Variants in ADAMTSL1 observed in about 807,000 individuals in gnomAD.
ADAMTSL1 encodes ADAMTS-like protein 1.
ADAMTSL1 carries 126 observed loss-of-function variants against 201.8 expected under a neutral mutation model. The ratio of observed to expected loss-of-function variants is 0.62; its 90% CI spans 0.54 to 0.72. The LOEUF is 0.72. ADAMTSL1 is among the 30% of genes least tolerant of loss of function. The pLI is 0.00. For missense variants in ADAMTSL1, 2,679 were observed against 2,277.8 expected, an observed-to-expected ratio of 1.18 and a Z score of -3.59; for synonymous variants, 1,121 against 903.4, an observed-to-expected ratio of 1.24 and a Z score of -4.32.
rs10810901 is a variant in ADAMTSL1, at chr9:18,092,130, G to A, written c.88-71732G>A. On this transcript the variant is annotated intron_variant, in intron 1 of 29. Coordinates refer to the ADAMTSL1 transcript ENST00000680146. Reference sequence around the variant, plus strand: ...ATTCAAAAAATGTTTGCTTGGCATCGTCTATACTTGGGGCTCGGCTCTGGG... The same window carrying A: ...ATTCAAAAAATGTTTGCTTGGCATCATCTATACTTGGGGCTCGGCTCTGGG... Among the ~76,000 whole-genome samples, 5,079 of 152,112 alleles carry A rather than the reference G, an allele frequency of 0.033. 339 individuals carry two copies. In the East Asian group the frequency reaches 0.34, roughly 10 times the overall value.
chr9:18,144,125 T>A (rs944996267), intron 1 of ADAMTSL1, among the ~76,000 whole-genome samples: 3 of 152,204 alleles, frequency 2.0e-5, no homozygotes, highest in African/African-American at 7.2e-5. Context: ...GACAAGTAAT[T>A]TTGAAAGTGA....
At chr9:18,796,750 G>C (rs1822452052) in intron 20 of ADAMTSL1, 1 of 152,170 alleles carries the variant, frequency 6.6e-6, no homozygotes, top group Non-Finnish European at 1.5e-5. Context: ...TAAAACATTT[G>C]CTTTTCTTCT....
At chr9:17,922,303 G>A (rs1826337486) in intron 1 of ADAMTSL1, among the ~76,000 whole-genome samples, 1 of 152,108 alleles carries the variant, frequency 6.6e-6, no homozygotes, top group African/African-American at 2.4e-5. Flanking sequence ...TATAAGGCTG[G>A]AAGGCGTCTT....
At position 18,909,300 on chromosome 9, in the gene ADAMTSL1, C is replaced by G. The variant is rs1322368860; in HGVS notation, c.*752C>G. On this transcript the variant is annotated 3_prime_UTR_variant, in exon 29 of 29. Coordinates refer to ENST00000380548, the MANE Select transcript of ADAMTSL1 (RefSeq NM_001040272.6). ...TTCCAGGCTGCATGAGGCTCATGGA[C>G]CAGCTCTGATCCCATGCATGTGCGC... 1 of 152,672 alleles carries G rather than the reference C, an allele frequency of 6.5e-6. No individual in the cohort carries two copies. The highest frequency in any genetic ancestry group is 1.9e-4 in the East Asian group (1 of 5,184). The allele number at this position is 152,672 out of a possible 1,614,324, so 9.5% of individuals were successfully genotyped here.
chr9:18,374,342 T>C (rs575873562), intron 2 of ADAMTSL1, among the ~76,000 whole-genome samples: 2 of 151,920 alleles, frequency 1.3e-5, no homozygotes, highest in East Asian at 3.9e-4. Flanking sequence ...TTAATTTTTT[T>C]TTTATTTTTT....
At chr9:18,863,114 A>G (rs1332647592) in intron 23 of ADAMTSL1, among the ~76,000 whole-genome samples, 1 of 152,172 alleles carries the variant, frequency 6.6e-6, no homozygotes, top group African/African-American at 2.4e-5. Context: ...TCTATCTTAC[A>G]GTACAGTCAC....
intron 1 of ADAMTSL1, among the ~76,000 whole-genome samples, chr9:18,145,202 A>G (rs930192354): frequency 6.6e-6 from 1 of 152,196 alleles, no homozygotes; most frequent in East Asian, 1.9e-4. Flanking sequence ...AAAGAAAGAG[A>G]CCATAAAGGT....
chr9:18,241,005 G>C (rs1448810055), intron 2 of ADAMTSL1, among the ~76,000 whole-genome samples: 1 of 152,162 alleles, frequency 6.6e-6, no homozygotes, highest in Non-Finnish European at 1.5e-5. Context: ...AGAGAATATT[G>C]TGGCTGGTTT....
At chr9:18,644,326 G>T (rs1160828943) in intron 7 of ADAMTSL1, among the ~76,000 whole-genome samples, 4 of 151,666 alleles carry the variant, frequency 2.6e-5, no homozygotes, top group African/African-American at 9.7e-5. Flanking sequence ...AAAAGATATT[G>T]CAGGAATCAG....
At chr9:18,130,168 G>C (rs1825891074) in intron 1 of ADAMTSL1, among the ~76,000 whole-genome samples, 1 of 152,056 alleles carries the variant, frequency 6.6e-6, no homozygotes, top group African/African-American at 2.4e-5. Context: ...TATGCTTCTT[G>C]TCTCTCCTTG....
chr9:18,109,893 G>T (rs1349039488), intron 1 of ADAMTSL1, among the ~76,000 whole-genome samples: 2 of 152,154 alleles, frequency 1.3e-5, no homozygotes, highest in African/African-American at 4.8e-5. Context: ...CAGAGTGACA[G>T]ACTGATACCA....
intron 2 of ADAMTSL1, among the ~76,000 whole-genome samples, chr9:18,264,646 C>A (rs1211350032): frequency 6.6e-6 from 1 of 152,036 alleles, no homozygotes; most frequent in Non-Finnish European, 1.5e-5. Context: ...TTCTGGATGC[C>A]ACAGGGAATT....
chr9:18,078,596 G>C (rs543450312), intron 1 of ADAMTSL1, among the ~76,000 whole-genome samples: 1 of 152,214 alleles, frequency 6.6e-6, no homozygotes, highest in African/African-American at 2.4e-5. Flanking sequence ...CTTTGGTCCT[G>C]GTGTATATTT....
chr9:17,970,979 A>G (rs888513732), intron 1 of ADAMTSL1, among the ~76,000 whole-genome samples: 1 of 152,042 alleles, frequency 6.6e-6, no homozygotes, highest in Non-Finnish European at 1.5e-5. Flanking sequence ...GTTTTCCTAA[A>G]CATTTCTATA....
At position 18,688,122 on chromosome 9, in the gene ADAMTSL1, A is replaced by G. The variant is rs963251295; in HGVS notation, c.1574+3322A>G. On this transcript the variant is annotated intron_variant, in intron 13 of 28. Transcript: ENST00000380548. ...TGAATACATATATGTATGTATGTAT[A>G]TATATATATATATATATAGAAACGT... 8.7e-5 allele frequency among the ~76,000 whole-genome samples: 13 copies of G among 148,774 alleles called. No individual in the cohort carries two copies. The East Asian group carries it at 1.4e-3, about 16-fold the overall frequency.
chr9:18,427,096 T>C (rs1001199378), intron 2 of ADAMTSL1, among the ~76,000 whole-genome samples: 8 of 152,214 alleles, frequency 5.3e-5, no homozygotes, highest in Non-Finnish European at 1.5e-5. Context: ...CCCAAATGGT[T>C]TTTTCTTCCA....
chr9:18,137,094 A>T (rs941822704), intron 1 of ADAMTSL1, among the ~76,000 whole-genome samples: 5 of 152,154 alleles, frequency 3.3e-5, no homozygotes, highest in African/African-American at 2.4e-5. Flanking sequence ...GTTGTGAAAG[A>T]TGAGGGCATA....
intron 20 of ADAMTSL1, 135 bp from the exon 21 acceptor site, chr9:18,816,974 T>A (rs758461359): frequency 7.7e-6 from 9 of 1,171,556 alleles, no homozygotes; most frequent in Non-Finnish European, 1.0e-5. Flanking sequence ...TTGCAATTTT[T>A]CAAGAGAAAA....
At chr9:18,498,668 G>A (rs758698086) in intron 1 of ADAMTSL1, among the ~76,000 whole-genome samples, 1 of 152,098 alleles carries the variant, frequency 6.6e-6, no homozygotes, top group Non-Finnish European at 1.5e-5. Context: ...CTGGCTTAAC[G>A]AGATCTGACA....
Sources: gnomAD v4.1 joint callset for allele counts (sites outside exome capture counted in the v4.1 genomes callset) on GRCh38, gnomAD v4.1.1 for gene constraint, MANE v1.5 for transcripts, NCBI Gene and HGNC (gene_info 2026-07-23, HGNC 2026-07-21) for gene names.